The following BSG variants were observed in gnomAD, a reference collection of about 807,000 sequenced individuals.
BSG encodes basigin (Ok blood group).
BSG carries 37 observed loss-of-function variants against 43.1 expected under a neutral mutation model. That is an observed-to-expected ratio of 0.86 (90% CI 0.66 to 1.13). The LOEUF (loss-of-function observed/expected upper bound fraction) is 1.13. BSG is among the 50% of genes most tolerant of loss of function. The probability of loss-of-function intolerance (pLI) is 0.00; values close to 1 mark genes in which losing one functional copy is unlikely to be tolerated. For missense variants in BSG, 599 were observed against 554.2 expected, an observed-to-expected ratio of 1.08 and a Z score of -0.81; for synonymous variants, 309 against 238.7, an observed-to-expected ratio of 1.29 and a Z score of -2.72.
chr19:571,393 C>T (rs1297519588), upstream of BSG: 3 of 636,856 alleles, frequency 4.7e-6, no homozygotes, highest in Non-Finnish European at 8.4e-6. Flanking sequence ...CTTTCAACCT[C>T]CAAGAGACGC....
intron 1 of BSG, among the ~76,000 whole-genome samples, chr19:576,962 T>TGTGTGTGTGTGTG (rs1568349198): frequency 2.6e-5 from 4 of 151,242 alleles, no homozygotes; most frequent in South Asian, 2.1e-4. Flanking sequence ...ACGTGTGTCC[T>TGTGTGTGTGTGTG]TGTGTGTGTG....
rs369549553 is a variant in BSG, at chr19:579,634, C to T, written c.550C>T (p.Pro184Ser). 2 of 1,610,656 alleles carry T rather than the reference C, an allele frequency of 1.2e-6. No homozygotes were observed. The highest frequency in any genetic ancestry group is 8.5e-7 in the Non-Finnish European group (1 of 1,178,968). ...CGTGGTGCTGAAGGAGGACGCGCTG[C>T]CCGGCCAGAAAACGGAGTTCAAGTG... ...GGVVLKEDAL[P>S]GQKTEFKVDS... Residue 184 changes from proline (P) to serine (S), a missense_variant, in exon 3 of 9, where the codon CCC becomes TCC. Coordinates refer to ENST00000333511, the MANE Select transcript of BSG (RefSeq NM_001728.4).
chr19:579,120 A>C, intron 2 of BSG: 1 of 467,402 alleles, frequency 2.1e-6, no homozygotes, highest in Non-Finnish European at 4.3e-6. Context: ...GTCCCTGCTC[A>C]GGGACGTGGG....
intron 1 of BSG, among the ~76,000 whole-genome samples, chr19:575,961 A>G (rs1398578365): frequency 1.3e-5 from 2 of 152,060 alleles, no homozygotes; most frequent in Non-Finnish European, 1.5e-5. Context: ...ACCCCCAGTG[A>G]CACGTCAATA....
intron 3 of BSG, 138 bp from the exon 4 acceptor site, chr19:580,241 G>C (rs1231002247): frequency 1.4e-6 from 1 of 720,240 alleles, no homozygotes; most frequent in African/African-American, 1.8e-5. Flanking sequence ...GGGACCCCAG[G>C]AGTTCTTTTG....
intron 1 of BSG, among the ~76,000 whole-genome samples, chr19:573,869 G>A (rs751258341): frequency 2.0e-5 from 3 of 152,324 alleles, no homozygotes; most frequent in South Asian, 4.1e-4. Context: ...ATGGATTGAG[G>A]TGTGTTTTTC....
Position 581,709 on chromosome 19 carries a change from C to T in BSG, c.1069+118C>T. ...GAGCTTGGAACTGAGGAGCCCCAGGCAGGGAGTTGATGGGACCCCGAAAGA... is the reference window on the plus strand; with the variant it reads ...GAGCTTGGAACTGAGGAGCCCCAGGTAGGGAGTTGATGGGACCCCGAAAGA... On this transcript the variant is annotated intron_variant, in intron 6 of 8. Transcript: ENST00000333511. 8 of 1,344,202 alleles carry T rather than the reference C, an allele frequency of 6.0e-6. No homozygotes were observed. The highest frequency in any genetic ancestry group is 7.9e-6 in the Non-Finnish European group (8 of 1,013,104). 83.3% of individuals were successfully genotyped at this position (1,344,202 alleles called of 1,614,324 possible).
At position 581,381 on chromosome 19, in the gene BSG, A is replaced by C; in HGVS notation, c.859A>C (p.Ile287Leu). The C allele has an allele frequency of 6.2e-7, 1 of 1,612,818 alleles. No individual in the cohort carries two copies. The highest frequency in any genetic ancestry group is 8.5e-7 in the Non-Finnish European group (1 of 1,179,946). ...CTCGCAGGGCCGGTCAGAGCTACAC[A>C]TTGAGAACCTGAACATGGAGGCCGA... is the stretch of plus-strand genomic sequence containing the variant. ...SSSQGRSELH[I>L]ENLNMEADPG... The change falls in exon 6 of 9, where the codon ATT becomes CTT. Residue 287 changes from isoleucine (I) to leucine (L), a missense_variant. By Grantham distance (5) the Ile-to-Leu change is conservative. Coordinates refer to ENST00000333511, the MANE Select transcript of BSG (RefSeq NM_001728.4).
intron 6 of BSG, among the ~76,000 whole-genome samples, chr19:581,968 C>G (rs887069304): frequency 6.6e-6 from 1 of 152,270 alleles, no homozygotes; most frequent in African/African-American, 2.4e-5. Flanking sequence ...TGCCTCCTCG[C>G]GGAGCCCTTC....
rs747626645 is a variant in BSG, at chr19:579,508, G to C, written c.424G>C (p.Val142Leu). 8.7e-6 allele frequency: 14 copies of C among 1,612,528 alleles called. No homozygotes were observed. The highest frequency in any genetic ancestry group is 1.7e-6 in the Non-Finnish European group (2 of 1,179,934). The stretch of plus-strand genomic sequence containing the variant: ...CTCGCCGGGCCTTGCAGCCGGCACA[G>C]TCTTCACTACCGTAGAAGACCTTGG... ...AVVLVLEPGT[V>L]FTTVEDLGSK... The change falls in exon 3 of 9, where the codon GTC (valine) becomes CTC (leucine). Residue 142 changes from valine to leucine, a missense_variant. Transcript: ENST00000333511.
chr19:580,295 G>A (rs41306874), intron 3 of BSG, 84 bp from the exon 4 acceptor site: 142 of 1,280,760 alleles, frequency 1.1e-4, no homozygotes, highest in Non-Finnish European at 1.4e-4. Flanking sequence ...TCACTGTGCC[G>A]TGGTTGGGCC....
rs1027138204 is a variant in BSG, at chr19:582,324, C to A, written c.1088C>A (p.Ala363Glu). 2.5e-6 allele frequency: 4 copies of A among 1,600,004 alleles called. No individual in the cohort carries two copies. The highest frequency in any genetic ancestry group is 3.4e-6 in the Non-Finnish European group (4 of 1,176,940). Residue 363 changes from alanine (A) to glutamate (E), a missense_variant, in exon 7 of 9, where the codon GCA becomes GAA. Ala to Glu is a moderately radical substitution (Grantham distance 107, BLOSUM62 -1). Transcript: ENST00000333511. Reference protein sequence around the residue: ...DVLDDDDAGSAPLKSSGQHQN... With the variant: ...DVLDDDDAGSEPLKSSGQHQN... The stretch of plus-strand genomic sequence containing the variant: ...TCTTCAGATGACGACGCCGGCTCTG[C>A]ACCCCTGTAAGTTCCAGCTGTGGGG...
In BSG at chr19:579,609, C is replaced by T. The variant is rs752283788; in HGVS notation, c.525C>T (p.Gly175=). The change falls in exon 3 of 9, where the codon GGC becomes GGT. Residue 175 remains glycine (G), a synonymous_variant. Coordinates refer to ENST00000333511, the MANE Select transcript of BSG (RefSeq NM_001728.4). ...CAGGGCACCGCTGGCTGAAGGGGGG[C>T]GTGGTGCTGAAGGAGGACGCGCTGC... The part of the protein sequence containing the change: ...EVTGHRWLKG[G]VVLKEDALPG... 52 of 1,612,336 alleles carry T rather than the reference C, an allele frequency of 3.2e-5. No homozygotes were observed. The highest frequency in any genetic ancestry group is 9.3e-5 in the African/African-American group (7 of 74,920).
intron 1 of BSG, 47 bp from the exon 2 acceptor site, chr19:577,727 C>A: frequency 9.8e-6 from 13 of 1,320,774 alleles, no homozygotes; most frequent in South Asian, 2.1e-5. Context: ...GCTGCCCTCC[C>A]AAGTGCCCCA....
At position 582,796 on chromosome 19, in the gene BSG, T is replaced by C; in HGVS notation, c.*52T>C. 1 of 595,180 alleles carries C rather than the reference T, an allele frequency of 1.7e-6. No homozygotes were observed. Among genetic ancestry groups the C allele is most frequent in the Non-Finnish European group, 3.0e-6 (1 of 335,244 alleles). The allele number at this position is 595,180 out of a possible 1,614,324, so 36.9% of individuals were successfully genotyped here. On this transcript the variant is annotated 3_prime_UTR_variant, in exon 9 of 9. Transcript: ENST00000333511. Reference sequence around the variant, plus strand: ...CTCCACGTCTGCGCCGCCGCCGGAGTCCACTCCCAGTGCTTGCAAGATTCC... The same window carrying C: ...CTCCACGTCTGCGCCGCCGCCGGAGCCCACTCCCAGTGCTTGCAAGATTCC...
intron 1 of BSG, among the ~76,000 whole-genome samples, chr19:572,948 C>A (rs563525909): frequency 6.8e-6 from 1 of 146,088 alleles, no homozygotes; most frequent in African/African-American, 2.6e-5. Flanking sequence ...GCCTCGAGCC[C>A]GGCCTCTGTG....
chr19:571,710 G>A, upstream of BSG: 1 of 705,120 alleles, frequency 1.4e-6, no homozygotes, highest in Non-Finnish European at 2.6e-6. Flanking sequence ...TACGGAAGGG[G>A]GCTGCCTGCG....
At chr19:575,736 TTTAC>T (rs1483075798) in intron 1 of BSG, among the ~76,000 whole-genome samples, 8 of 152,152 alleles carry the variant, frequency 5.3e-5, no homozygotes, top group Non-Finnish European at 7.3e-5. Flanking sequence ...TGAAGGTGAC[TTTAC>T]TTGAGAACAT....
At position 581,379 on chromosome 19, in the gene BSG, A is replaced by G; in HGVS notation, c.857A>G (p.His286Arg). 1 of 1,612,812 alleles carries G rather than the reference A, an allele frequency of 6.2e-7. No individual in the cohort carries two copies. The highest frequency in any genetic ancestry group is 8.5e-7 in the Non-Finnish European group (1 of 1,179,948). ...TCCTCGCAGGGCCGGTCAGAGCTACACATTGAGAACCTGAACATGGAGGCC... is the reference window on the plus strand; with the variant it reads ...TCCTCGCAGGGCCGGTCAGAGCTACGCATTGAGAACCTGAACATGGAGGCC... ...VSSSQGRSEL[H>R]IENLNMEADP... The change falls in exon 6 of 9, where the codon CAC becomes CGC. Residue 286 changes from histidine to arginine, a missense_variant. His to Arg is a conservative substitution (Grantham distance 29). Coordinates refer to ENST00000333511, the MANE Select transcript of BSG (RefSeq NM_001728.4).
Sources: gnomAD v4.1 joint callset for allele counts (sites outside exome capture counted in the v4.1 genomes callset) on GRCh38, gnomAD v4.1.1 for gene constraint, MANE v1.5 for transcripts, NCBI Gene and HGNC (gene_info 2026-07-23, HGNC 2026-07-21) for gene names.